Variants in CNTN1 observed in about 807,000 individuals in gnomAD.
CNTN1 encodes the protein contactin 1.
A neutral mutation model predicts 126.4 loss-of-function variants in CNTN1; 38 were observed. The observed-to-expected ratio is 0.30, with a 90% confidence interval of 0.23 to 0.39. CNTN1 has a LOEUF of 0.39. Among genes scored for constraint, CNTN1 ranks in the 10% least tolerant of loss-of-function variants. The pLI, the probability that CNTN1 is intolerant of heterozygous loss-of-function variation, is 1.00. For synonymous variants in CNTN1, 413 were observed against 422.6 expected, an observed-to-expected ratio of 0.98 and a Z score of 0.28; for missense variants, 1,009 against 1,248.4, an observed-to-expected ratio of 0.81 and a Z score of 2.89.
chr12:40,856,681 A>G (rs1376743587), intron 1 of CNTN1, among the ~76,000 whole-genome samples: 1 of 152,158 alleles, frequency 6.6e-6, no homozygotes, highest in Non-Finnish European at 1.5e-5. Context: ...GTGGACTCAA[A>G]CAGAGGAATG....
rs563033345 is a variant in CNTN1, at chr12:40,799,050, C to T, written c.-77+106458C>T. ...TTACTGTTCAAGTCTCTTAGGTTAT[C>T]GGATCATTACTGAAGGAAAACAAGG... On this transcript the variant is annotated intron_variant, in intron 1 of 23. Transcript: ENST00000551295. 7.3e-5 allele frequency among the ~76,000 whole-genome samples: 11 copies of T among 151,652 alleles called. 1 individual carries two copies. The South Asian group carries it at 8.3e-4, about 11-fold the overall frequency.
chr12:40,701,765 C>T (rs577696795), intron 1 of CNTN1, among the ~76,000 whole-genome samples: 4 of 152,280 alleles, frequency 2.6e-5, no homozygotes, highest in East Asian at 1.9e-4. Context: ...TTGGTTTCTG[C>T]ACAAGTTGAG....
intron 1 of CNTN1, among the ~76,000 whole-genome samples, chr12:40,712,545 T>G (rs1941946036): frequency 6.6e-6 from 1 of 152,054 alleles, no homozygotes; most frequent in African/African-American, 2.4e-5. Flanking sequence ...TGTGGAGAGA[T>G]CTGAGCAGAG....
intron 10 of CNTN1, 118 bp downstream of exon 10, chr12:40,937,023 T>C: frequency 7.7e-7 from 1 of 1,297,260 alleles, no homozygotes; most frequent in Non-Finnish European, 1.1e-6. Context: ...GGCCCTGAAA[T>C]ATAAAAGCTT....
At chr12:40,797,455 G>C (rs1279024259) in intron 1 of CNTN1, among the ~76,000 whole-genome samples, 1 of 152,002 alleles carries the variant, frequency 6.6e-6, no homozygotes, top group Non-Finnish European at 1.5e-5. Flanking sequence ...AGTATGTTAG[G>C]ATAGAGTGGG....
At chr12:40,845,649 G>A (rs1299196457) in intron 1 of CNTN1, among the ~76,000 whole-genome samples, 2 of 152,050 alleles carry the variant, frequency 1.3e-5, no homozygotes, top group African/African-American at 4.8e-5. Context: ...ATTTCCACCC[G>A]CCAGCCTCTG....
intron 23 of CNTN1, among the ~76,000 whole-genome samples, chr12:41,051,134 T>G (rs1305944545): frequency 6.6e-6 from 1 of 151,212 alleles, no homozygotes; most frequent in African/African-American, 2.4e-5. Context: ...TAGAACATAT[T>G]GCTTTGTGAT....
In CNTN1 at chr12:41,029,173, G is replaced by A. The variant is rs760832587; in HGVS notation, c.2934G>A (p.Ala978=). The A allele has an allele frequency of 8.1e-6, 13 of 1,613,932 alleles. No homozygotes were observed. The highest frequency in any genetic ancestry group is 8.0e-5 in the African/African-American group (6 of 74,900). Residue 978 remains alanine, a synonymous_variant, in exon 23 of 24, where the codon GCG becomes GCA. Coordinates refer to ENST00000551295, the MANE Select transcript of CNTN1 (RefSeq NM_001843.4). ...GAGAATACGTTGTGGAGGTTCGCGC[G>A]CACAGTGATGGAGGAGATGGAGTGG... ...RDGEYVVEVR[A]HSDGGDGVVS... is the part of the protein sequence containing the mutation.
At chr12:40,791,362 T>C (rs959315853) in intron 1 of CNTN1, among the ~76,000 whole-genome samples, 2 of 152,150 alleles carry the variant, frequency 1.3e-5, no homozygotes, top group African/African-American at 2.4e-5. Flanking sequence ...TGTCCCAAAT[T>C]CTCTGCTATG....
chr12:40,944,158 G>A lies in CNTN1; in HGVS notation c.1671G>A (p.Gln557=). The part of the protein sequence containing the change: ...IDFNKENIHY[Q]RNFMLDSNGE... ...TTAACAAAGAGAATATTCACTACCA[G>A]AGGAATTTTATGGTATGTGTTTTAA... The change falls in exon 14 of 24, where the codon CAG becomes CAA. Residue 557 remains glutamine (Q), a synonymous_variant. Coordinates refer to ENST00000551295, the MANE Select transcript of CNTN1 (RefSeq NM_001843.4). 1 of 1,612,756 alleles carries A rather than the reference G, an allele frequency of 6.2e-7. No homozygotes were observed. Among genetic ancestry groups the A allele is most frequent in the Non-Finnish European group, 8.5e-7 (1 of 1,179,048 alleles).
At chr12:41,025,781 G>A (rs1949025145) in intron 21 of CNTN1, among the ~76,000 whole-genome samples, 1 of 152,092 alleles carries the variant, frequency 6.6e-6, no homozygotes, top group Admixed American at 6.6e-5. Flanking sequence ...TCTTATTACT[G>A]TATGTTCTAG....
At chr12:40,852,467 T>C (rs1012100255) in intron 1 of CNTN1, among the ~76,000 whole-genome samples, 4 of 152,148 alleles carry the variant, frequency 2.6e-5, no homozygotes, top group African/African-American at 9.7e-5. Flanking sequence ...CTTTACCAGA[T>C]TTCCTACATA....
intron 23 of CNTN1, among the ~76,000 whole-genome samples, chr12:41,033,803 C>T (rs1949196581): frequency 6.6e-6 from 1 of 151,432 alleles, no homozygotes; most frequent in Admixed American, 6.6e-5. Flanking sequence ...CTTTGGGAGG[C>T]CGAGGCAAGC....
rs764844491 is a variant in CNTN1, at chr12:40,959,202, A to G, written c.1772A>G (p.Asn591Ser). 6.2e-7 allele frequency: 1 copy of G among 1,612,790 alleles called. No homozygotes were observed. Among genetic ancestry groups the G allele is most frequent in the East Asian group, 2.2e-5 (1 of 44,820 alleles). Residue 591 changes from asparagine to serine, a missense_variant, in exon 15 of 24, where the codon AAT (asparagine) becomes AGT (serine). Coordinates refer to ENST00000551295, the MANE Select transcript of CNTN1 (RefSeq NM_001843.4). ...TGCACTGCCCAGACAATTGTGGACA[A>G]TTCTTCAGCTTCAGCTGACCTTGTA... ...YTCTAQTIVD[N>S]SSASADLVVR...
At chr12:40,760,868 T>C (rs1938837588) in intron 1 of CNTN1, among the ~76,000 whole-genome samples, 1 of 147,142 alleles carries the variant, frequency 6.8e-6, no homozygotes, top group Non-Finnish European at 1.5e-5. Flanking sequence ...TCCACTTTGA[T>C]ATCATAAAGG....
At chr12:40,967,648 C>T (rs898499059) in intron 15 of CNTN1, among the ~76,000 whole-genome samples, 1 of 152,026 alleles carries the variant, frequency 6.6e-6, no homozygotes, top group African/African-American at 2.4e-5. Flanking sequence ...TGCGTATTTA[C>T]CAGATAATTA....
intron 14 of CNTN1, among the ~76,000 whole-genome samples, chr12:40,952,678 TAACAA>T (rs1470291738): frequency 6.6e-6 from 1 of 152,136 alleles, no homozygotes; most frequent in Non-Finnish European, 1.5e-5. Context: ...TGTATATTTA[TAACAA>T]CCTTTGACAC....
intron 1 of CNTN1, among the ~76,000 whole-genome samples, chr12:40,839,075 T>G (rs1303397566): frequency 6.6e-6 from 1 of 152,112 alleles, no homozygotes; most frequent in African/African-American, 2.4e-5. Context: ...ATTTTTTTCC[T>G]TAAGAAAAAA....
At chr12:40,917,328 G>A (rs543139223) in intron 3 of CNTN1, among the ~76,000 whole-genome samples, 2 of 152,030 alleles carry the variant, frequency 1.3e-5, no homozygotes, top group Non-Finnish European at 2.9e-5. Context: ...TAGGTACATT[G>A]CCATCTTTCA....
Sources: gnomAD v4.1 joint callset for allele counts (sites outside exome capture counted in the v4.1 genomes callset) on GRCh38, gnomAD v4.1.1 for gene constraint, MANE v1.5 for transcripts, NCBI Gene and HGNC (gene_info 2026-07-23, HGNC 2026-07-21) for gene names.